Variants in RPS6KA3 observed in about 807,000 individuals in gnomAD.
RPS6KA3 encodes ribosomal protein S6 kinase A3.
Under a neutral mutation model 67.2 loss-of-function variants are expected in RPS6KA3, and 4 were observed. The observed-to-expected ratio is 0.06, with a 90% confidence interval of 0.03 to 0.14. RPS6KA3 has a LOEUF of 0.14. RPS6KA3 is among the 10% of genes least tolerant of loss of function. RPS6KA3 has a pLI of 1.00. For missense variants in RPS6KA3, 204 were observed against 559.0 expected, an observed-to-expected ratio of 0.36 and a Z score of 6.40; for synonymous variants, 182 against 183.7, an observed-to-expected ratio of 0.99 and a Z score of 0.07.
intron 4 of RPS6KA3, among the ~76,000 whole-genome samples, chrX:20,199,825 C>T (rs1183388150): frequency 1.8e-5 from 2 of 112,243 alleles, no homozygotes; most frequent in African/African-American, 6.5e-5. Context: ...TTAACTTCAT[C>T]ACTGTAACAC....
At chrX:20,209,427 A>G (rs1418691728) in intron 2 of RPS6KA3, 23 bp from the exon 3 acceptor site, 1 of 858,793 alleles carries the variant, frequency 1.2e-6, no homozygotes, top group South Asian at 2.0e-5. Context: ...ACGTAAGAGG[A>G]GCAAACAGGG....
At chrX:20,168,006 C>G (rs1407557223) in intron 16 of RPS6KA3, among the ~76,000 whole-genome samples, 1 of 112,080 alleles carries the variant, frequency 8.9e-6, no homozygotes, top group East Asian at 2.8e-4. Context: ...TGCCACCACA[C>G]CTGGCTAATT....
chrX:20,247,512 C>T (rs913854769), intron 1 of RPS6KA3, among the ~76,000 whole-genome samples: 6 of 111,907 alleles, frequency 5.4e-5, no homozygotes, highest in Non-Finnish European at 7.5e-5. Context: ...TGAGGCCGGG[C>T]GCGGTGGCTC....
chrX:20,174,712 T>C (rs1603421840), intron 14 of RPS6KA3, among the ~76,000 whole-genome samples: 2 of 110,887 alleles, frequency 1.8e-5, no homozygotes, highest in South Asian at 3.8e-4. Context: ...TTCGATGACA[T>C]ATGAAAAAAA....
At chrX:20,201,620 G>C (rs1377830664) in intron 4 of RPS6KA3, among the ~76,000 whole-genome samples, 1 of 111,132 alleles carries the variant, frequency 9.0e-6, no homozygotes, top group Non-Finnish European at 1.9e-5. Context: ...TATATTGCAA[G>C]AAAGAGTTTT....
At position 20,266,613 on chromosome X, in the gene RPS6KA3, GC is replaced by G; in HGVS notation, c.19del (p.Ala7ArgfsTer50). MPLAQL[A>X]DPWQKMAVES... ...CACAGCCATCTTCTGCCACGGGTCCGCCAGCTGCGCCAGCGGCATCTTCCCC... is the reference window on the plus strand; with the variant it reads ...CACAGCCATCTTCTGCCACGGGTCCGCAGCTGCGCCAGCGGCATCTTCCCC... On this transcript the variant is annotated frameshift_variant, in exon 1 of 22. Coordinates refer to ENST00000379565, the MANE Select transcript of RPS6KA3 (RefSeq NM_004586.3). LOFTEE classifies it high-confidence loss of function. 1 of 1,143,670 alleles carries G rather than the reference GC, an allele frequency of 8.7e-7. No homozygotes were observed. 94.3% of individuals were successfully genotyped at this position (1,143,670 alleles called of 1,213,427 possible).
In RPS6KA3 at chrX:20,266,487, C is replaced by T. The variant is rs765764524; in HGVS notation, c.69+77G>A. On this transcript the variant is annotated intron_variant, in intron 1 of 21. Transcript: ENST00000379565. ...GCGGGATCAGAACGGGCCGAGTGGC[C>T]AGCTCCGGGGAGCGAAGCGAGCCGG... 2.4e-4 allele frequency: 206 copies of T among 861,002 alleles called. No homozygotes were observed. In the South Asian group the frequency reaches 4.2e-3, roughly 18 times the overall value. 71.0% of individuals were successfully genotyped at this position (861,002 alleles called of 1,213,427 possible).
chrX:20,183,964 A>T (rs1414222210), intron 10 of RPS6KA3, among the ~76,000 whole-genome samples: 3 of 112,868 alleles, frequency 2.7e-5, no homozygotes, highest in African/African-American at 9.6e-5. Context: ...TACCTCAATC[A>T]ATTTTTAACA....
intron 10 of RPS6KA3, among the ~76,000 whole-genome samples, chrX:20,184,140 C>G (rs2067913703): frequency 9.0e-6 from 1 of 111,483 alleles, no homozygotes; most frequent in Non-Finnish European, 1.9e-5. Context: ...CCTCCGCCTC[C>G]CGGGTTCAAG....
At chrX:20,227,696 A>T (rs781131175) in intron 2 of RPS6KA3, among the ~76,000 whole-genome samples, 268 of 108,826 alleles carry the variant, frequency 2.5e-3, no homozygotes, top group African/African-American at 5.5e-3. Flanking sequence ...TTTTTTTTTT[A>T]AAATTTGGTA....
intron 1 of RPS6KA3, among the ~76,000 whole-genome samples, chrX:20,250,716 A>G (rs1375027286): frequency 8.9e-6 from 1 of 112,233 alleles, no homozygotes; most frequent in Non-Finnish European, 1.9e-5. Flanking sequence ...GATGTGGAAT[A>G]AAACCCACTT....
intron 2 of RPS6KA3, among the ~76,000 whole-genome samples, chrX:20,216,550 T>C (rs1314971508): frequency 1.8e-5 from 2 of 109,164 alleles, no homozygotes; most frequent in East Asian, 5.7e-4. Context: ...AGATATTGAG[T>C]TGAGTAAAGA....
intron 2 of RPS6KA3, among the ~76,000 whole-genome samples, chrX:20,216,590 G>T (rs1238193042): frequency 9.1e-6 from 1 of 110,292 alleles, no homozygotes; most frequent in Non-Finnish European, 1.9e-5. Context: ...GAAAGGGGGG[G>T]GTTGTAATTT....
rs189156287 is a variant in RPS6KA3, at chrX:20,215,049, G to A, written c.127-5645C>T. 1.1e-4 allele frequency among the ~76,000 whole-genome samples: 12 copies of A among 110,057 alleles called. No homozygotes were observed. In the East Asian group the frequency reaches 1.7e-3, roughly 16 times the overall value. ...GAGACAGGGTCTCAACATGTTGCCCGCCTGCCTTGGCCTCCCAAAGTGCTG... is the reference window on the plus strand; with the variant it reads ...GAGACAGGGTCTCAACATGTTGCCCACCTGCCTTGGCCTCCCAAAGTGCTG... On this transcript the variant is annotated intron_variant, in intron 2 of 21. Transcript: ENST00000379565.
chrX:20,201,981 T>C (rs192165564), intron 4 of RPS6KA3, among the ~76,000 whole-genome samples: 7,741 of 99,839 alleles, frequency 0.078, 773 homozygotes, highest in African/African-American at 0.27. Context: ...TTTTTCTTTT[T>C]TTTTTTTTTT....
At chrX:20,194,547 T>C (rs758446760) in intron 5 of RPS6KA3, among the ~76,000 whole-genome samples, 1 of 111,129 alleles carries the variant, frequency 9.0e-6, no homozygotes, top group Admixed American at 9.6e-5. Flanking sequence ...AAAAAAAGAC[T>C]TACTTAACTA....
At position 20,162,825 on chromosome X, in the gene RPS6KA3, C is replaced by A. The variant is rs2067339457; in HGVS notation, c.1841+139G>T. ...CTGTGTCACTGTACTCCAGCCTGGG[C>A]AACAGAGTGAGACCCTGTCTCTAAA... On this transcript the variant is annotated intron_variant, in intron 19 of 21. Transcript: ENST00000379565. 6 of 519,519 alleles carry A rather than the reference C, an allele frequency of 1.2e-5. No individual in the cohort carries two copies. The Admixed American group carries it at 1.6e-4, about 14-fold the overall frequency. 42.8% of individuals were successfully genotyped at this position (519,519 alleles called of 1,213,427 possible). A position where few individuals can be genotyped will look rare whatever the true frequency, so the allele number is the denominator to read the frequency against.
chrX:20,181,204 T>C (rs374228943), intron 10 of RPS6KA3, among the ~76,000 whole-genome samples: 9 of 112,271 alleles, frequency 8.0e-5, no homozygotes, highest in African/African-American at 2.3e-4. Flanking sequence ...TTGATAAATG[T>C]CGAATCTGGG....
In RPS6KA3 at chrX:20,266,546, C is replaced by T; in HGVS notation, c.69+18G>A. On this transcript the variant is annotated intron_variant, in intron 1 of 21. Coordinates refer to ENST00000379565, the MANE Select transcript of RPS6KA3 (RefSeq NM_004586.3). ...CGAGGAGGAGATGCGCCGGCCCCGG[C>T]CGCCCTGCTGCACTCACCTCAGCGC... 8.8e-7 allele frequency: 1 copy of T among 1,141,530 alleles called. No individual in the cohort carries two copies. The highest frequency in any genetic ancestry group is 1.2e-6 in the Non-Finnish European group (1 of 858,092). 94.1% of individuals were successfully genotyped at this position (1,141,530 alleles called of 1,213,427 possible). A position where few individuals can be genotyped will look rare whatever the true frequency, so the allele number is the denominator to read the frequency against.
Sources: gnomAD v4.1 joint callset for allele counts (sites outside exome capture counted in the v4.1 genomes callset) on GRCh38, gnomAD v4.1.1 for gene constraint, MANE v1.5 for transcripts, NCBI Gene and HGNC (gene_info 2026-07-23, HGNC 2026-07-21) for gene names.